The following DSTYK variants were observed in gnomAD, a reference collection of about 807,000 sequenced individuals.
DSTYK encodes the protein RIP-homologous kinase.
Under a neutral mutation model 98.7 loss-of-function variants are expected in DSTYK, and 34 were observed. That is an observed-to-expected ratio of 0.34 (90% CI 0.26 to 0.46). The LOEUF is 0.46. Ranked by LOEUF, DSTYK falls within the 20% of genes least tolerant of loss-of-function variation. The pLI, the probability that DSTYK is intolerant of heterozygous loss-of-function variation, is 1.00. For synonymous variants in DSTYK, 462 were observed against 457.3 expected (o/e 1.01, Z -0.13); for missense variants, 962 against 1,181.7 (o/e 0.81, Z 2.73).
At chr1:205,204,308 C>T (rs1000864075) in intron 1 of DSTYK, among the ~76,000 whole-genome samples, 7 of 152,040 alleles carry the variant, frequency 4.6e-5, no homozygotes, top group African/African-American at 1.2e-4. Context: ...AAGGAAGAGC[C>T]GCAGAAGCAG....
chr1:205,165,826 C>T (rs1657870808), intron 3 of DSTYK, among the ~76,000 whole-genome samples: 1 of 152,128 alleles, frequency 6.6e-6, no homozygotes. Context: ...TGGTGAAACC[C>T]TGTCTCTACT....
At position 205,150,646 on chromosome 1, in the gene DSTYK, C is replaced by G. The variant is rs1657375072; in HGVS notation, c.2467+34G>C. On this transcript the variant is annotated intron_variant, in intron 11 of 12. Coordinates refer to ENST00000367162, the MANE Select transcript of DSTYK (RefSeq NM_015375.3). This position sits in a 1 kb window ranked among gnomAD's most constrained non-coding sequence, Gnocchi z 4.1. The stretch of plus-strand genomic sequence containing the variant: ...GCACTCAGGATTAAAGTAGTACGCC[C>G]TGCCCAGACCCACTGCCTGCCCTCC... 1 of 1,544,278 alleles carries G rather than the reference C, an allele frequency of 6.5e-7. No homozygotes were observed. The highest frequency in any genetic ancestry group is 2.2e-5 in the East Asian group (1 of 44,510).
chr1:205,169,740 G>A lies in DSTYK; in HGVS notation c.747C>T (p.Thr249=). 1 of 1,614,204 alleles carries A rather than the reference G, an allele frequency of 6.2e-7. No homozygotes were observed. Among genetic ancestry groups the A allele is most frequent in the Non-Finnish European group, 8.5e-7 (1 of 1,180,032 alleles). The change falls in exon 3 of 13, where the codon ACC becomes ACT. Residue 249 remains threonine (T), a synonymous_variant. Transcript: ENST00000367162. The surrounding 1 kb of genome is among the most constrained non-coding windows in gnomAD (Gnocchi z 4.0). ...DLVNDFLPVI[T]YALHKDELSE... ...AGAGTTCATCTTTGTGGAGTGCATA[G>A]GTTATCACAGGCAAGAAATCATTCA... is the stretch of plus-strand genomic sequence containing the variant.
intron 1 of DSTYK, among the ~76,000 whole-genome samples, chr1:205,192,882 C>T (rs1369456881): frequency 2.6e-5 from 4 of 152,236 alleles, no homozygotes; most frequent in East Asian, 1.9e-4. Context: ...AAACAAGAAA[C>T]AGCTCAGGTT....
Position 205,169,438 on chromosome 1 carries a change from A to C in DSTYK, c.1049T>G (p.Val350Gly). 1 of 1,614,100 alleles carries C rather than the reference A, an allele frequency of 6.2e-7. No homozygotes were observed. The highest frequency in any genetic ancestry group is 8.5e-7 in the Non-Finnish European group (1 of 1,180,016). ...LRHLSTFSHQ[V>G]LQTRLVDAAK... is the part of the protein sequence containing the mutation. Reference sequence around the variant, plus strand: ...TGCATCCACCAGGCGAGTCTGTAACACCTGGTGAGAAAATGTGCTCAAGTG... The same window carrying C: ...TGCATCCACCAGGCGAGTCTGTAACCCCTGGTGAGAAAATGTGCTCAAGTG... Residue 350 changes from valine (V) to glycine (G), a missense_variant, in exon 3 of 13, where the codon GTG becomes GGG. This residue lies in a region of DSTYK where 660 missense variants were observed against 855.0 expected (regional missense o/e 0.77). Transcript: ENST00000367162. This position sits in a 1 kb window ranked among gnomAD's most constrained non-coding sequence, Gnocchi z 4.0.
chr1:205,166,346 G>T (rs1381146439), intron 3 of DSTYK, among the ~76,000 whole-genome samples: 1 of 151,968 alleles, frequency 6.6e-6, no homozygotes, highest in African/African-American at 2.4e-5. Context: ...TTTAAAAACA[G>T]ACAGTAATAG....
intron 1 of DSTYK, among the ~76,000 whole-genome samples, chr1:205,191,178 T>C (rs963479009): frequency 6.6e-6 from 1 of 152,240 alleles, no homozygotes; most frequent in Admixed American, 6.5e-5. Flanking sequence ...CAGTACACTG[T>C]TAGAAGTCCA....
At chr1:205,209,545 GTCC>G (rs1222771901) in intron 1 of DSTYK, among the ~76,000 whole-genome samples, 16 of 53,840 alleles carry the variant, frequency 3.0e-4, no homozygotes, top group East Asian at 1.6e-3. Context: ...TCATGACAGG[GTCC>G]TAAATGATAC....
At chr1:205,187,329 A>G (rs1445298379) in intron 2 of DSTYK, 89 bp downstream of exon 2, 7 of 1,411,676 alleles carry the variant, frequency 5.0e-6, no homozygotes, top group African/African-American at 1.4e-5. Context: ...TTCAGACTAT[A>G]TATCATCGAA....
intron 1 of DSTYK, 57 bp downstream of exon 1, chr1:205,211,214 G>A: frequency 1.3e-6 from 2 of 1,527,178 alleles, no homozygotes; most frequent in African/African-American, 2.8e-5. Flanking sequence ...GCAGGGGTGC[G>A]GTCCGTCCTC....
At chr1:205,171,961 TG>T (rs1553363293) in intron 2 of DSTYK, among the ~76,000 whole-genome samples, 1 of 46,922 alleles carries the variant, frequency 2.1e-5, no homozygotes, top group Non-Finnish European at 1.1e-4. Context: ...GCAGGTTTAT[TG>T]ATTGATTGAT....
intron 2 of DSTYK, among the ~76,000 whole-genome samples, chr1:205,176,286 T>C (rs546822005): frequency 6.6e-6 from 1 of 152,022 alleles, no homozygotes; most frequent in African/African-American, 2.4e-5. Flanking sequence ...AAGACCAGCC[T>C]GATCAACATG....
chr1:205,174,629 G>A (rs1322207329), intron 2 of DSTYK, among the ~76,000 whole-genome samples: 1 of 151,272 alleles, frequency 6.6e-6, no homozygotes, highest in African/African-American at 2.4e-5. Flanking sequence ...GTTGCAGTGA[G>A]CTGAGATCAC....
chr1:205,164,406 C>CAA (rs1005420253), intron 3 of DSTYK, among the ~76,000 whole-genome samples: 2 of 116,394 alleles, frequency 1.7e-5, no homozygotes, highest in African/African-American at 6.3e-5. Flanking sequence ...GACCCCGTCT[C>CAA]AAAAAAAAAA....
intron 9 of DSTYK, among the ~76,000 whole-genome samples, chr1:205,158,642 C>G (rs1207996220): frequency 6.6e-6 from 1 of 152,204 alleles, no homozygotes; most frequent in Non-Finnish European, 1.5e-5. Context: ...GAACCAGCTG[C>G]TCCAATGTGC....
chr1:205,191,161 T>C (rs926294463), intron 1 of DSTYK, among the ~76,000 whole-genome samples: 17 of 152,236 alleles, frequency 1.1e-4, no homozygotes, highest in African/African-American at 2.2e-4. Context: ...GGTGCTGAAG[T>C]TGATCCCAGT....
intron 3 of DSTYK, among the ~76,000 whole-genome samples, chr1:205,167,894 G>A (rs1010055603): frequency 5.9e-5 from 9 of 152,142 alleles, no homozygotes; most frequent in South Asian, 2.1e-4. Context: ...GGTAGATTAC[G>A]AGGTCAAGAA....
intron 1 of DSTYK, among the ~76,000 whole-genome samples, chr1:205,196,584 C>T (rs546418968): frequency 6.6e-6 from 1 of 151,904 alleles, no homozygotes; most frequent in South Asian, 2.1e-4. Context: ...ACAAAAAAAC[C>T]CCATCACTGA....
At chr1:205,168,772 C>A (rs1657964678) in intron 3 of DSTYK, among the ~76,000 whole-genome samples, 2 of 152,140 alleles carry the variant, frequency 1.3e-5, no homozygotes, top group South Asian at 4.1e-4. Flanking sequence ...GACCATGAGA[C>A]AAAAAGAACC....
Sources: gnomAD v4.1 joint callset for allele counts (sites outside exome capture counted in the v4.1 genomes callset) on GRCh38, gnomAD v4.1.1 for gene constraint, gnomAD v4.1.1 regional missense constraint, Gnocchi (gnomAD v3.1) non-coding constraint, MANE v1.5 for transcripts, NCBI Gene and HGNC (gene_info 2026-07-23, HGNC 2026-07-21) for gene names.